ANK2: variants seen among roughly 807,000 people sequenced by gnomAD.
ANK2 encodes the protein ankyrin 2, also known as ankyrin-2.
A neutral mutation model predicts 360.5 loss-of-function variants in ANK2; 83 were observed. The observed-to-expected ratio is 0.23, with a 90% CI of 0.19 to 0.28. ANK2 has a LOEUF of 0.28. ANK2 is among the 10% of genes least tolerant of loss of function. The pLI is 1.00. For missense variants in ANK2, 4,201 were observed against 4,795.7 expected, an observed-to-expected ratio of 0.88 and a Z score of 3.66; for synonymous variants, 1,740 against 1,759.5, an observed-to-expected ratio of 0.99 and a Z score of 0.28.
intron 2 of ANK2, among the ~76,000 whole-genome samples, chr4:113,009,400 T>A (rs892488776): frequency 3.3e-5 from 5 of 152,186 alleles, no homozygotes; most frequent in Admixed American, 1.3e-4. Context: ...TGAAATACTT[T>A]TAAATTTATG....
chr4:113,009,675 G>T (rs1210452099), intron 2 of ANK2, among the ~76,000 whole-genome samples: 1 of 152,044 alleles, frequency 6.6e-6, no homozygotes, highest in Non-Finnish European at 1.5e-5. Context: ...GCTCAGTGTT[G>T]GACCACTCCT....
chr4:112,810,125 GTATATA>G, the ANK2 span, among the ~76,000 whole-genome samples: 322 of 68,050 alleles, frequency 4.7e-3, 1 homozygote, highest in Middle Eastern at 0.011. Context: ...AATTTTTTGT[GTATATA>G]TATATATATA....
At chr4:113,242,975 G>A (rs1330885630) in intron 9 of ANK2, among the ~76,000 whole-genome samples, 1 of 152,120 alleles carries the variant, frequency 6.6e-6, no homozygotes, top group Non-Finnish European at 1.5e-5. Context: ...AAAGTTGTGT[G>A]AGAATTAACT....
chr4:113,353,248 G>C lies in ANK2; in HGVS notation c.4630G>C (p.Glu1544Gln), dbSNP rs1289663490. 1.2e-6 allele frequency: 2 copies of C among 1,613,920 alleles called. No homozygotes were observed. The highest frequency in any genetic ancestry group is 1.7e-6 in the Non-Finnish European group (2 of 1,179,970). Residue 1544 changes from glutamate to glutamine, a missense_variant, in exon 38 of 46, where the codon GAG becomes CAG. Glu to Gln is a conservative substitution (Grantham distance 29). Transcript: ENST00000357077. ...VKELVKAAEE[E>Q]PGEPFEIVER... ...GGAGCTGGTGAAGGCTGCTGAGGAA[G>C]AGCCAGGAGAGCCTTTTGAAATCGT...
chr4:113,376,238 T>A (rs13133297), intron 45 of ANK2, among the ~76,000 whole-genome samples: 18,871 of 152,150 alleles, frequency 0.12, 1,343 homozygotes, highest in Middle Eastern at 0.2. Flanking sequence ...CCTACTATAC[T>A]TCTAGGTTAT....
At chr4:113,279,772 T>A (rs536365109) in intron 17 of ANK2, among the ~76,000 whole-genome samples, 1 of 150,824 alleles carries the variant, frequency 6.6e-6, no homozygotes, top group African/African-American at 2.4e-5. Flanking sequence ...ATTTATATCT[T>A]TTTGATGCCA....
chr4:113,063,611 G>A (rs1051987655), intron 1 of ANK2, among the ~76,000 whole-genome samples: 1 of 152,022 alleles, frequency 6.6e-6, no homozygotes, highest in Non-Finnish European at 1.5e-5. Flanking sequence ...TAGTCTGCTG[G>A]CAGTTATAGG....
At chr4:112,751,484 A>G in the ANK2 span, among the ~76,000 whole-genome samples, 1 of 152,332 alleles carries the variant, frequency 6.6e-6, no homozygotes, top group Admixed American at 6.5e-5. Context: ...AGAACTTTTC[A>G]TAACAGACTT....
chr4:112,758,181 T>A, the ANK2 span, among the ~76,000 whole-genome samples: 1 of 152,110 alleles, frequency 6.6e-6, no homozygotes, highest in Non-Finnish European at 1.5e-5. Flanking sequence ...ATTACAAGCA[T>A]GAGCCACCGC....
At chr4:113,237,217 C>A in intron 6 of ANK2, 45 bp downstream of exon 6, 1 of 1,571,564 alleles carries the variant, frequency 6.4e-7, no homozygotes, top group Non-Finnish European at 8.7e-7. Flanking sequence ...TCTTTGGCTG[C>A]CAGACTCCTC....
intron 4 of ANK2, among the ~76,000 whole-genome samples, chr4:113,202,410 A>C (rs2098843266): frequency 6.6e-6 from 1 of 152,204 alleles, no homozygotes; most frequent in Admixed American, 6.5e-5. Flanking sequence ...TGAGAACCAG[A>C]AAAAGGACGT....
At chr4:112,936,016 T>C (rs906816349) in intron 2 of ANK2, among the ~76,000 whole-genome samples, 1 of 152,220 alleles carries the variant, frequency 6.6e-6, no homozygotes, top group Non-Finnish European at 1.5e-5. Flanking sequence ...AGCTAATCTT[T>C]CCTGGGACAG....
chr4:113,072,456 G>T (rs1216738591), intron 1 of ANK2, among the ~76,000 whole-genome samples: 10 of 152,178 alleles, frequency 6.6e-5, no homozygotes, highest in Admixed American at 5.9e-4. Context: ...ATGCTACAAA[G>T]TTCAAATGCC....
chr4:113,041,635 T>C (rs1344968393), intron 2 of ANK2, among the ~76,000 whole-genome samples: 1 of 152,140 alleles, frequency 6.6e-6, no homozygotes, highest in Non-Finnish European at 1.5e-5. Flanking sequence ...TCTTACTACA[T>C]GGTTCACAAG....
intron 1 of ANK2, among the ~76,000 whole-genome samples, chr4:112,845,917 G>A (rs2063185281): frequency 6.6e-6 from 1 of 152,086 alleles, no homozygotes; most frequent in East Asian, 1.9e-4. Context: ...ATGACTGATG[G>A]GCGTGCCCAA....
At chr4:112,780,482 G>A in the ANK2 span, among the ~76,000 whole-genome samples, 1 of 152,146 alleles carries the variant, frequency 6.6e-6, no homozygotes, top group Non-Finnish European at 1.5e-5. Flanking sequence ...TCTAATATAT[G>A]TTGAGTTAGC....
chr4:112,837,109 C>G (rs1395704632), intron 1 of ANK2, among the ~76,000 whole-genome samples: 1 of 152,194 alleles, frequency 6.6e-6, no homozygotes, highest in Non-Finnish European at 1.5e-5. Context: ...TTTCATGGGC[C>G]AGGTCCAAGG....
intron 2 of ANK2, among the ~76,000 whole-genome samples, chr4:113,178,945 G>A (rs1228852956): frequency 1.3e-4 from 20 of 152,094 alleles, no homozygotes. Flanking sequence ...GTAATACAGT[G>A]GTGATGTCCT....
chr4:112,730,658 A>G, the ANK2 span, among the ~76,000 whole-genome samples: 7 of 146,818 alleles, frequency 4.8e-5, no homozygotes, highest in Non-Finnish European at 7.5e-5. Flanking sequence ...AAAAAAAAAA[A>G]GAAAGAAAAC....
Sources: gnomAD v4.1 joint callset for allele counts (sites outside exome capture counted in the v4.1 genomes callset) on GRCh38, gnomAD v4.1.1 for gene constraint, MANE v1.5 for transcripts, NCBI Gene and HGNC (gene_info 2026-07-23, HGNC 2026-07-21) for gene names.